Variants in CCDC25 observed in about 807,000 individuals in gnomAD.
CCDC25 encodes the protein coiled-coil domain-containing protein 25.
A neutral mutation model predicts 35.3 loss-of-function variants in CCDC25; 16 were observed. The ratio of observed to expected loss-of-function variants is 0.45; its 90% CI spans 0.31 to 0.69. CCDC25 has a LOEUF of 0.69. Ranked by LOEUF, CCDC25 falls within the 30% of genes least tolerant of loss-of-function variation. CCDC25 has a pLI of 0.06. For synonymous variants in CCDC25, 79 were observed against 80.3 expected, an observed-to-expected ratio of 0.98 and a Z score of 0.09; for missense variants, 179 against 250.7, an observed-to-expected ratio of 0.71 and a Z score of 1.93.
At chr8:27,742,844 G>C (rs1713652559) in intron 7 of CCDC25, among the ~76,000 whole-genome samples, 2 of 152,170 alleles carry the variant, frequency 1.3e-5, no homozygotes, top group African/African-American at 2.4e-5. Flanking sequence ...TCCAGCCTGG[G>C]CAACAGAGTG....
intron 1 of CCDC25, among the ~76,000 whole-genome samples, chr8:27,766,783 A>G (rs1461150334): frequency 6.6e-6 from 1 of 152,198 alleles, no homozygotes; most frequent in Admixed American, 6.5e-5. Flanking sequence ...TAAATATATT[A>G]CAGATTTGAA....
chr8:27,744,017 A>G (rs538429435), intron 7 of CCDC25, among the ~76,000 whole-genome samples: 5 of 152,348 alleles, frequency 3.3e-5, no homozygotes, highest in African/African-American at 9.6e-5. Flanking sequence ...ATTGTAGTCA[A>G]TGAGACTGGG....
intron 3 of CCDC25, among the ~76,000 whole-genome samples, chr8:27,759,784 A>AAAAAAAAAAAAAT (rs1804159564): frequency 1.7e-5 from 1 of 60,474 alleles, no homozygotes; most frequent in African/African-American, 4.4e-5. Context: ...TGTCTCAAAA[A>AAAAAAAAAAAAAT]AAAAAAAAAA....
chr8:27,749,517 G>C (rs565093778), intron 5 of CCDC25, among the ~76,000 whole-genome samples: 1 of 152,290 alleles, frequency 6.6e-6, no homozygotes, highest in East Asian at 1.9e-4. Flanking sequence ...CTAATCCAGA[G>C]GAAGCATCAG....
chr8:27,758,491 T>G (rs1434525672), intron 3 of CCDC25, among the ~76,000 whole-genome samples: 1 of 152,214 alleles, frequency 6.6e-6, no homozygotes, highest in Admixed American at 6.5e-5. Context: ...CTCCAAGTGG[T>G]TCACTTACTC....
Position 27,765,245 on chromosome 8 carries a change from GA to G in CCDC25, c.34del (p.Ser12HisfsTer18). On this transcript the variant is annotated frameshift_variant, in exon 2 of 9. Transcript: ENST00000356537. LOFTEE classifies it high-confidence loss of function. ...VFYFTSSSVNSSAYTIYMGKD... is the reference protein window; with the variant it reads ...VFYFTSSSVNXSAYTIYMGKD... ...TCCCATGTAAATAGTGTAGGCAGAT[GA>G]ATTAACTAAGATAAAACAAAAATAA... 6.7e-7 allele frequency: 1 copy of G among 1,483,020 alleles called. No homozygotes were observed. The highest frequency in any genetic ancestry group is 9.1e-7 in the Non-Finnish European group (1 of 1,094,810). 91.9% of individuals were successfully genotyped at this position (1,483,020 alleles called of 1,614,324 possible). A position where few individuals can be genotyped will look rare whatever the true frequency, so the allele number is the denominator to read the frequency against.
At chr8:27,772,192 G>C in intron 1 of CCDC25, 1 of 482,928 alleles carries the variant, frequency 2.1e-6, no homozygotes, top group Non-Finnish European at 3.7e-6. Context: ...CTTGGGATAA[G>C]GTGTGTGGAG....
chr8:27,759,779 CAAA>C (rs77051762), intron 3 of CCDC25, among the ~76,000 whole-genome samples: 3,269 of 91,162 alleles, frequency 0.036, 133 homozygotes, highest in Middle Eastern at 0.075. Context: ...GACTCTGTCT[CAAA>C]AAAAAAAAAA....
Position 27,735,929 on chromosome 8 carries a change from C to G in CCDC25, c.*287G>C. On this transcript the variant is annotated 3_prime_UTR_variant, in exon 9 of 9. Transcript: ENST00000356537. ...AGCTGGTTCATTTTAAAGTCTATCT[C>G]AAGAACAAGGGCAGCCTGCTTTCAC... The G allele has an allele frequency of 3.3e-6, 1 of 300,490 alleles. No homozygotes were observed. Among genetic ancestry groups the G allele is most frequent in the South Asian group, 7.5e-5 (1 of 13,250 alleles). 18.6% of individuals were successfully genotyped at this position (300,490 alleles called of 1,614,324 possible). A position where few individuals can be genotyped will look rare whatever the true frequency, so the allele number is the denominator to read the frequency against.
In CCDC25 at chr8:27,736,221, T is replaced by G. The variant is rs1442072774; in HGVS notation, c.622A>C (p.Met208Leu). The G allele has an allele frequency of 1.2e-6, 2 of 1,609,096 alleles. No individual in the cohort carries two copies. The highest frequency in any genetic ancestry group is 1.7e-6 in the Non-Finnish European group (2 of 1,178,178). ...CCTTTTCTCCTTTTCTCCTTTTACA[T>G]GAATTCATCTGAATCATTGCCATCC... ...NQDGNDSDEF[M>L] Residue 208 changes from methionine to leucine, a missense_variant, in exon 9 of 9, where the codon ATG becomes CTG. Physicochemically the swap from Met to Leu is conservative, Grantham distance 15. Transcript: ENST00000356537.
At position 27,772,611 on chromosome 8, in the gene CCDC25, A is replaced by C; in HGVS notation, c.-71T>G. On this transcript the variant is annotated 5_prime_UTR_variant, in exon 1 of 9. Coordinates refer to ENST00000356537, the MANE Select transcript of CCDC25 (RefSeq NM_018246.3). ...CAACTCACGAAGCTCAGGATACCAG[A>C]CTCGCGGCGGCCGCCTGGCCCCCGG... 5 of 1,483,254 alleles carry C rather than the reference A, an allele frequency of 3.4e-6. No homozygotes were observed. The highest frequency in any genetic ancestry group is 4.6e-6 in the Non-Finnish European group (5 of 1,091,458). The allele number at this position is 1,483,254 out of a possible 1,614,324, so 91.9% of individuals were successfully genotyped here.
chr8:27,768,514 G>A (rs1337315446), intron 1 of CCDC25, among the ~76,000 whole-genome samples: 3 of 141,580 alleles, frequency 2.1e-5, no homozygotes, highest in East Asian at 2.1e-4. Context: ...GCAGTGAGTC[G>A]AGATCATGCC....
At chr8:27,740,655 A>G (rs7842672) in intron 7 of CCDC25, 138 bp from the exon 8 acceptor site, 554,423 of 633,526 alleles carry the variant, frequency 0.88, 243,495 homozygotes, top group Non-Finnish European at 0.9. Flanking sequence ...TAATCTCTGC[A>G]CTCAAGGAGA....
rs772238756 is a variant in CCDC25, at chr8:27,740,460, A to C, written c.597+12T>G. 2 of 1,611,064 alleles carry C rather than the reference A, an allele frequency of 1.2e-6. No homozygotes were observed. The highest frequency in any genetic ancestry group is 2.2e-5 in the East Asian group (1 of 44,780). On this transcript the variant is annotated intron_variant, in intron 8 of 8. Transcript: ENST00000356537. ...TTCAAGGCAAACATTCATGCAAACC[A>C]CTTGAACATACCTGATTTGAAGACA...
chr8:27,759,340 CT>C (rs1804129651), intron 3 of CCDC25, among the ~76,000 whole-genome samples: 5 of 152,212 alleles, frequency 3.3e-5, no homozygotes, highest in Non-Finnish European at 5.9e-5. Context: ...GGCACAGTGG[CT>C]CATGCCTGTC....
chr8:27,762,281 G>T, intron 3 of CCDC25, 138 bp downstream of exon 3: 1 of 711,836 alleles, frequency 1.4e-6, no homozygotes. Context: ...AATTAGAAAT[G>T]AAGGAACTGG....
chr8:27,764,596 C>T, intron 2 of CCDC25: 1 of 229,084 alleles, frequency 4.4e-6, no homozygotes, highest in Middle Eastern at 4.5e-4. Context: ...TTTTTTTCTA[C>T]AAAGGTTTTT....
intron 5 of CCDC25, among the ~76,000 whole-genome samples, chr8:27,750,040 G>C (rs926482574): frequency 3.3e-5 from 5 of 152,220 alleles, no homozygotes; most frequent in African/African-American, 1.2e-4. Flanking sequence ...CCATGTGCAA[G>C]GCACTGTGGG....
Position 27,759,779 on chromosome 8 carries a change from CAAAAAAAA to C in CCDC25, c.116+2632_116+2639del, listed in dbSNP as rs77051762. 2.1e-3 allele frequency among the ~76,000 whole-genome samples: 187 copies of C among 91,208 alleles called. 3 individuals carry two copies. Among genetic ancestry groups the C allele is most frequent in the African/African-American group, 4.9e-3 (103 of 20,922 alleles). 59.8% of individuals were successfully genotyped at this position (91,208 alleles called of 152,430 possible). On this transcript the variant is annotated intron_variant, in intron 3 of 8. Transcript: ENST00000356537. ...TGGGTGACAGAGCAAGACTCTGTCT[CAAAAAAAA>C]AAAAAAAAAAAAGATGAATTTAGTT...
Sources: allele counts gnomAD v4.1 joint callset (sites outside exome capture counted in the v4.1 genomes callset), GRCh38; gene constraint gnomAD v4.1.1; transcripts MANE v1.5; gene names NCBI Gene and HGNC (gene_info 2026-07-23, HGNC 2026-07-21).